CSMD1: variants seen among roughly 807,000 people sequenced by gnomAD.
The protein encoded by CSMD1 is CUB and sushi domain-containing protein 1.
A neutral mutation model predicts 417.5 loss-of-function variants in CSMD1; 213 were observed. That is an observed-to-expected ratio of 0.51 (90% confidence interval 0.46 to 0.57). CSMD1 has a LOEUF of 0.57. Among genes scored for constraint, CSMD1 ranks in the 20% least tolerant of loss-of-function variants. The pLI, the probability that CSMD1 is intolerant of heterozygous loss-of-function variation, is 0.00. For missense variants in CSMD1, 6,923 were observed against 4,529.7 expected (o/e 1.53, Z -15.17); for synonymous variants, 2,862 against 1,736.8 (o/e 1.65, Z -16.11).
chr8:4,588,660 C>G (rs1279838032), intron 2 of CSMD1, among the ~76,000 whole-genome samples: 1 of 151,944 alleles, frequency 6.6e-6, no homozygotes, highest in Non-Finnish European at 1.5e-5. Flanking sequence ...TGGCGGGCGC[C>G]TTTAGTCCCA....
intron 46 of CSMD1, among the ~76,000 whole-genome samples, chr8:3,100,026 T>C (rs763966938): frequency 1.0e-4 from 15 of 149,120 alleles, no homozygotes; most frequent in Non-Finnish European, 1.8e-4. Context: ...TTTTGGTGTT[T>C]TGAGGTTTGG....
chr8:3,407,254 T>C (rs1812403078), intron 14 of CSMD1, among the ~76,000 whole-genome samples: 1 of 147,896 alleles, frequency 6.8e-6, no homozygotes, highest in African/African-American at 2.5e-5. Flanking sequence ...GAAGGATGAA[T>C]GGAAGGATAT....
At chr8:3,831,583 T>C (rs1329490734) in intron 5 of CSMD1, among the ~76,000 whole-genome samples, 1 of 152,216 alleles carries the variant, frequency 6.6e-6, no homozygotes, top group African/African-American at 2.4e-5. Context: ...CAATGGAATA[T>C]CCCAAATGTC....
intron 15 of CSMD1, among the ~76,000 whole-genome samples, chr8:3,402,017 T>TAC (rs565392699): frequency 1.2e-3 from 186 of 151,866 alleles, no homozygotes; most frequent in South Asian, 7.5e-3. Flanking sequence ...ATTTCTAAAA[T>TAC]ACACACACAC....
At chr8:4,462,865 G>C (rs910916972) in intron 2 of CSMD1, among the ~76,000 whole-genome samples, 2 of 152,038 alleles carry the variant, frequency 1.3e-5, no homozygotes, top group Non-Finnish European at 2.9e-5. Flanking sequence ...CAAACTCTTT[G>C]AAGAAAATAT....
At chr8:3,845,886 C>T (rs1554458994) in intron 5 of CSMD1, among the ~76,000 whole-genome samples, 1 of 151,634 alleles carries the variant, frequency 6.6e-6, no homozygotes, top group Non-Finnish European at 1.5e-5. Flanking sequence ...CAAACACACA[C>T]GTTGTCCTAG....
At chr8:3,290,809 C>T (rs921021834) in intron 25 of CSMD1, among the ~76,000 whole-genome samples, 2 of 148,626 alleles carry the variant, frequency 1.3e-5, no homozygotes, top group Middle Eastern at 3.4e-3. Context: ...TAATTGAATA[C>T]TCTTTATTTC....
At chr8:3,842,283 G>T (rs184084562) in intron 5 of CSMD1, among the ~76,000 whole-genome samples, 37 of 152,082 alleles carry the variant, frequency 2.4e-4, no homozygotes, top group Middle Eastern at 3.4e-3. Flanking sequence ...TTCTTATGAG[G>T]TTCTTTCACT....
intron 7 of CSMD1, among the ~76,000 whole-genome samples, chr8:3,630,274 T>C (rs1796713182): frequency 6.6e-6 from 1 of 152,102 alleles, no homozygotes; most frequent in South Asian, 2.1e-4. Flanking sequence ...TGATGCAAAA[T>C]GACATTTAAG....
chr8:4,927,776 T>A (rs1029999099), intron 1 of CSMD1, among the ~76,000 whole-genome samples: 2 of 152,172 alleles, frequency 1.3e-5, no homozygotes, highest in African/African-American at 4.8e-5. Context: ...TTGCTCAGAC[T>A]GAAACCTTGG....
At chr8:3,490,394 A>T (rs1480760969) in intron 11 of CSMD1, among the ~76,000 whole-genome samples, 1 of 152,202 alleles carries the variant, frequency 6.6e-6, no homozygotes. Flanking sequence ...TTAGATCTTT[A>T]ATAATAACCT....
At chr8:3,590,042 A>C (rs550667501) in intron 8 of CSMD1, among the ~76,000 whole-genome samples, 1 of 152,300 alleles carries the variant, frequency 6.6e-6, no homozygotes, top group Non-Finnish European at 1.5e-5. Flanking sequence ...TATATTTGAA[A>C]GAATGCAACA....
chr8:3,622,983 A>G (rs1399980317), intron 7 of CSMD1, among the ~76,000 whole-genome samples: 1 of 152,220 alleles, frequency 6.6e-6, no homozygotes, highest in African/African-American at 2.4e-5. Flanking sequence ...GATCTCATAG[A>G]ACACATGACA....
At chr8:3,884,307 C>T (rs2627364) in intron 5 of CSMD1, among the ~76,000 whole-genome samples, 7 of 152,152 alleles carry the variant, frequency 4.6e-5, no homozygotes, top group African/African-American at 1.7e-4. Flanking sequence ...TTATATAAAA[C>T]ATTATATGTG....
intron 12 of CSMD1, among the ~76,000 whole-genome samples, chr8:3,465,413 G>A (rs1447881535): frequency 6.6e-6 from 1 of 152,172 alleles, no homozygotes; most frequent in Admixed American, 6.5e-5. Context: ...GCCCGGGAAT[G>A]ATGGAGGCCA....
Position 3,873,167 on chromosome 8 carries a change from C to G in CSMD1, c.819-119125G>C, listed in dbSNP as rs921447610. 2.0e-5 allele frequency among the ~76,000 whole-genome samples: 3 copies of G among 152,152 alleles called. No homozygotes were observed. The East Asian group carries it at 5.8e-4, about 29-fold the overall frequency. On this transcript the variant is annotated intron_variant, in intron 5 of 69. Transcript: ENST00000635120. Reference sequence around the variant, plus strand: ...TGATGATTCCTCAAAGACCTAAAAACAGAACTACCATTCAAGCCAGCAATC... The same window carrying G: ...TGATGATTCCTCAAAGACCTAAAAAGAGAACTACCATTCAAGCCAGCAATC...
intron 1 of CSMD1, among the ~76,000 whole-genome samples, chr8:4,876,151 T>C (rs766468903): frequency 1.3e-5 from 2 of 152,098 alleles, no homozygotes; most frequent in Non-Finnish European, 2.9e-5. Context: ...TACAAATGAC[T>C]GCTTAGTCTA....
rs71207091 is a variant in CSMD1, at chr8:4,455,929, CAAAAAAAAAAAAAAAA to C, written c.303-35880_303-35865del. The stretch of plus-strand genomic sequence containing the variant: ...GGGTGACAAAGTGAGACTCCAACTC[CAAAAAAAAAAAAAAAA>C]AAAAAAAAAAAAAAAAAATGCAGTT... On this transcript the variant is annotated intron_variant, in intron 2 of 69. Transcript: ENST00000635120. Among the ~76,000 whole-genome samples, 47 of 11,652 alleles carry C rather than the reference CAAAAAAAAAAAAAAAA, an allele frequency of 4.0e-3. 2 individuals are homozygous for C. The highest frequency in any genetic ancestry group is 6.9e-3 in the Admixed American group (3 of 432). The allele number at this position is 11,652 out of a possible 152,430, so 7.6% of individuals were successfully genotyped here.
rs564361345 is a variant in CSMD1, at chr8:4,407,653, C to T, written c.415+12300G>A. ...CATTGTAAATACAAGTTAATTAGTG[C>T]CTTTGTCTTTGTGAACTTCATACAA... is the stretch of plus-strand genomic sequence containing the variant. On this transcript the variant is annotated intron_variant, in intron 3 of 69. Coordinates refer to ENST00000635120, the MANE Select transcript of CSMD1 (RefSeq NM_033225.6). Among the ~76,000 whole-genome samples, 7 of 152,216 alleles carry T rather than the reference C, an allele frequency of 4.6e-5. No individual in the cohort carries two copies. The East Asian group carries it at 1.4e-3, about 29-fold the overall frequency.
Sources: allele counts gnomAD v4.1 joint callset (sites outside exome capture counted in the v4.1 genomes callset), GRCh38; gene constraint gnomAD v4.1.1; transcripts MANE v1.5; gene names NCBI Gene and HGNC (gene_info 2026-07-23, HGNC 2026-07-21).